TRMT9B: variants seen among roughly 807,000 people sequenced by gnomAD.
TRMT9B encodes the protein probable tRNA methyltransferase 9B.
In TRMT9B, 16 loss-of-function variants were observed where a neutral mutation model predicts 11.5. The observed-to-expected ratio is 1.39, with a 90% CI of 0.94 to 2.11. TRMT9B has a LOEUF of 2.11. TRMT9B is among the 30% of genes most tolerant of loss of function. The pLI, the probability that TRMT9B is intolerant of heterozygous loss-of-function variation, is 0.00. For synonymous variants in TRMT9B, 274 were observed against 192.4 expected (o/e 1.42, Z -3.51); for missense variants, 941 against 553.8 (o/e 1.70, Z -7.02).
intron 1 of TRMT9B, among the ~76,000 whole-genome samples, chr8:12,961,388 C>A (rs993360678): frequency 6.6e-6 from 1 of 151,922 alleles, no homozygotes; most frequent in South Asian, 2.1e-4. Context: ...TCACTTGATG[C>A]TAGCATAGGA....
At chr8:13,011,731 T>A in intron 3 of TRMT9B, 3 of 970,626 alleles carry the variant, frequency 3.1e-6, no homozygotes, top group Non-Finnish European at 2.4e-6. Context: ...AAAGTGAATA[T>A]CAAAAATTGT....
intron 4 of TRMT9B, among the ~76,000 whole-genome samples, chr8:13,018,608 A>G (rs1813246262): frequency 6.6e-6 from 1 of 152,170 alleles, no homozygotes; most frequent in Admixed American, 6.5e-5. Flanking sequence ...CACTGAATTA[A>G]TAAATTCAGT....
chr8:12,947,727 C>G (rs1173408360), intron 1 of TRMT9B, among the ~76,000 whole-genome samples: 9 of 152,230 alleles, frequency 5.9e-5, no homozygotes, highest in Non-Finnish European at 1.3e-4. Context: ...AATGCCATAA[C>G]TTAAGAGACT....
At chr8:13,000,128 C>A (rs541288931) in intron 2 of TRMT9B, among the ~76,000 whole-genome samples, 2 of 152,188 alleles carry the variant, frequency 1.3e-5, no homozygotes, top group South Asian at 4.2e-4. Flanking sequence ...GCTGATGCCT[C>A]CAGGACAAGG....
At chr8:13,006,900 C>T (rs1190601590) in intron 3 of TRMT9B, 1 of 162,270 alleles carries the variant, frequency 6.2e-6, no homozygotes, top group Non-Finnish European at 1.3e-5. Context: ...AACTCCTGAC[C>T]TCAGATGATC....
intron 2 of TRMT9B, among the ~76,000 whole-genome samples, chr8:13,000,023 A>G (rs1809121763): frequency 6.6e-6 from 1 of 152,196 alleles, no homozygotes; most frequent in African/African-American, 2.4e-5. Flanking sequence ...TAGATATTCT[A>G]CAGTTCATAT....
chr8:12,994,894 C>G (rs1010460489), intron 2 of TRMT9B, among the ~76,000 whole-genome samples: 1 of 152,172 alleles, frequency 6.6e-6, no homozygotes, highest in Non-Finnish European at 1.5e-5. Context: ...GTTGGTCAGG[C>G]TGGTCTCGAA....
At position 12,985,264 on chromosome 8, in the gene TRMT9B, T is replaced by C. The variant is rs1008736061; in HGVS notation, c.-199-5570T>C. On this transcript the variant is annotated intron_variant, in intron 1 of 4. Coordinates refer to ENST00000524591, the MANE Select transcript of TRMT9B (RefSeq NM_020844.3). Reference sequence around the variant, plus strand: ...GATCGTATTCTCCCGGTGCAACATATTTTGTTGTTTTGAAGCTCTGAATTT... The same window carrying C: ...GATCGTATTCTCCCGGTGCAACATACTTTGTTGTTTTGAAGCTCTGAATTT... 6.6e-5 allele frequency among the ~76,000 whole-genome samples: 10 copies of C among 152,130 alleles called. 1 individual carries two copies. Among genetic ancestry groups the C allele is most frequent in the Non-Finnish European group, 1.5e-4 (10 of 68,018 alleles).
rs191820242 is a variant in TRMT9B at position 13,025,007 on chromosome 8, A to T, written c.*2963A>T. 6.0e-6 allele frequency: 1 copy of T among 167,206 alleles called. No homozygotes were observed. The highest frequency in any genetic ancestry group is 1.9e-4 in the East Asian group (1 of 5,190). 10.4% of individuals were successfully genotyped at this position (167,206 alleles called of 1,614,324 possible). A position where few individuals can be genotyped will look rare whatever the true frequency, so the allele number is the denominator to read the frequency against. On this transcript the variant is annotated 3_prime_UTR_variant, in exon 5 of 5. Transcript: ENST00000524591. ...GGAAACACAGGTCATCAGTGAGTAT[A>T]AACGTAGACAGTTGATTTGTGAATG...
intron 3 of TRMT9B, chr8:13,011,638 C>G (rs1047936822): frequency 1.0e-6 from 1 of 975,204 alleles, no homozygotes; most frequent in Non-Finnish European, 1.2e-6. Context: ...TACTACCTAC[C>G]TCAATCATAA....
chr8:12,977,989 AC>A (rs1168231524), intron 1 of TRMT9B, among the ~76,000 whole-genome samples: 2 of 152,196 alleles, frequency 1.3e-5, no homozygotes, highest in African/African-American at 4.8e-5. Context: ...CGACTGTACC[AC>A]TGCACTCGAG....
chr8:13,021,627 T>C lies in TRMT9B; in HGVS notation c.948T>C (p.Ser316=). Residue 316 remains serine (S), a synonymous_variant, in exon 5 of 5, where the codon TCT becomes TCC. Coordinates refer to ENST00000524591, the MANE Select transcript of TRMT9B (RefSeq NM_020844.3). ...SLDEEVFVES[S]SGKHLEWLRA... Reference sequence around the variant, plus strand: ...ATGAGGAAGTGTTTGTGGAATCTTCTTCTGGAAAACACTTGGAGTGGCTGA... The same window carrying C: ...ATGAGGAAGTGTTTGTGGAATCTTCCTCTGGAAAACACTTGGAGTGGCTGA... 1 of 1,613,856 alleles carries C rather than the reference T, an allele frequency of 6.2e-7. No individual in the cohort carries two copies. Among genetic ancestry groups the C allele is most frequent in the Non-Finnish European group, 8.5e-7 (1 of 1,179,808 alleles).
At position 13,021,048 on chromosome 8, in the gene TRMT9B, A is replaced by C; in HGVS notation, c.369A>C (p.Ala123=). 1 of 1,578,850 alleles carries C rather than the reference A, an allele frequency of 6.3e-7. No individual in the cohort carries two copies. Among genetic ancestry groups the C allele is most frequent in the Non-Finnish European group, 8.6e-7 (1 of 1,164,120 alleles). The change falls in exon 5 of 5, where the codon GCA becomes GCC. Residue 123 remains alanine (A), a synonymous_variant. Coordinates refer to ENST00000524591, the MANE Select transcript of TRMT9B (RefSeq NM_020844.3). ...HFSTKQRRIR[A]IKEMARVLVP... ...CTACAAAACAAAGAAGAATCAGAGC[A>C]ATAAAAGAAATGGCCAGGGTCTTAG...
chr8:12,998,995 T>C (rs1239689260), intron 2 of TRMT9B, among the ~76,000 whole-genome samples: 1 of 152,126 alleles, frequency 6.6e-6, no homozygotes, highest in Non-Finnish European at 1.5e-5. Context: ...CCCAGAAACA[T>C]GGCATTAAGA....
chr8:12,967,827 C>T (rs1049327470), intron 1 of TRMT9B, among the ~76,000 whole-genome samples: 2 of 152,152 alleles, frequency 1.3e-5, no homozygotes, highest in African/African-American at 2.4e-5. Flanking sequence ...TTTAATTTTC[C>T]CATGTCTTTG....
chr8:13,015,468 C>T (rs1812470299), intron 4 of TRMT9B, among the ~76,000 whole-genome samples: 2 of 152,116 alleles, frequency 1.3e-5, no homozygotes, highest in South Asian at 2.1e-4. Context: ...CCTCCTGCCT[C>T]AGCCTCCCAA....
intron 4 of TRMT9B, among the ~76,000 whole-genome samples, chr8:13,017,944 C>T (rs370817638): frequency 2.6e-5 from 4 of 151,500 alleles, no homozygotes; most frequent in East Asian, 3.9e-4. Context: ...TTCTTAAGAA[C>T]ATTTGGCTTA....
intron 1 of TRMT9B, among the ~76,000 whole-genome samples, chr8:12,957,894 A>G (rs1801521714): frequency 6.6e-6 from 1 of 152,152 alleles, no homozygotes; most frequent in African/African-American, 2.4e-5. Context: ...CATCTCCAGA[A>G]CGTTTTTATC....
chr8:12,952,234 G>C (rs1208177567), intron 1 of TRMT9B: 1 of 441,942 alleles, frequency 2.3e-6, no homozygotes, highest in East Asian at 7.8e-5. Flanking sequence ...TCTGCATAGG[G>C]GAGCGGAGAG....
Sources: gnomAD v4.1 joint callset for allele counts (sites outside exome capture counted in the v4.1 genomes callset) on GRCh38, gnomAD v4.1.1 for gene constraint, MANE v1.5 for transcripts, NCBI Gene and HGNC (gene_info 2026-07-23, HGNC 2026-07-21) for gene names.